MRTFB: variants seen among roughly 807,000 people sequenced by gnomAD.
The protein encoded by MRTFB is myocardin related transcription factor B.
MRTFB carries 29 observed loss-of-function variants against 104.2 expected under a neutral mutation model. The ratio of observed to expected loss-of-function variants is 0.28; its 90% confidence interval spans 0.21 to 0.38. The LOEUF is 0.38. Among genes scored for constraint, MRTFB ranks in the 10% least tolerant of loss-of-function variants. MRTFB has a pLI of 1.00. For missense variants in MRTFB, 1,270 were observed against 1,341.6 expected (o/e 0.95, Z 0.83); for synonymous variants, 535 against 519.5 (o/e 1.03, Z -0.41).
At chr16:14,047,820 G>A in the MRTFB span, among the ~76,000 whole-genome samples, 1 of 152,126 alleles carries the variant, frequency 6.6e-6, no homozygotes, top group East Asian at 1.9e-4. Context: ...AGATTCGGGT[G>A]GGGACACAGC....
chr16:14,092,311 G>GTA (rs1254412722), intron 2 of MRTFB, among the ~76,000 whole-genome samples: 1 of 152,142 alleles, frequency 6.6e-6, no homozygotes, highest in East Asian at 1.9e-4. Flanking sequence ...ATATATCTAT[G>GTA]TACGAATGAA....
At chr16:14,025,123 A>G in the MRTFB span, among the ~76,000 whole-genome samples, 1 of 152,244 alleles carries the variant, frequency 6.6e-6, no homozygotes, top group African/African-American at 2.4e-5. Context: ...GTACTTGATC[A>G]CAAAAGCTTC....
chr16:14,036,687 A>G, the MRTFB span, among the ~76,000 whole-genome samples: 1 of 151,732 alleles, frequency 6.6e-6, no homozygotes, highest in Non-Finnish European at 1.5e-5. Flanking sequence ...AAATATATAT[A>G]TAACTACCTA....
At chr16:14,118,098 C>T (rs1276648555) in intron 2 of MRTFB, among the ~76,000 whole-genome samples, 3 of 150,778 alleles carry the variant, frequency 2.0e-5, no homozygotes, top group Non-Finnish European at 3.0e-5. Flanking sequence ...CTGTGTGCCT[C>T]TCCCAGATGC....
chr16:14,130,432 A>G (rs1321026610), intron 2 of MRTFB, among the ~76,000 whole-genome samples: 2 of 152,226 alleles, frequency 1.3e-5, no homozygotes, highest in South Asian at 2.1e-4. Context: ...ATAAATTCCT[A>G]GAAAATCAAT....
the MRTFB span, among the ~76,000 whole-genome samples, chr16:14,017,169 G>A: frequency 2.0e-5 from 3 of 148,980 alleles, no homozygotes; most frequent in Non-Finnish European, 3.0e-5. Flanking sequence ...CCATTCTCCT[G>A]CGTCAGCCTC....
intron 3 of MRTFB, chr16:14,200,553 TAAC>T (rs1485992975): frequency 3.1e-6 from 5 of 1,605,810 alleles, no homozygotes; most frequent in Non-Finnish European, 4.3e-6. Context: ...ACCTGTATGG[TAAC>T]AATTATCTTG....
intron 2 of MRTFB, among the ~76,000 whole-genome samples, chr16:14,138,465 A>G (rs2037834288): frequency 6.6e-6 from 1 of 152,094 alleles, no homozygotes; most frequent in Admixed American, 6.5e-5. Context: ...TTTCCATTGG[A>G]TATGTAATTC....
the MRTFB span, among the ~76,000 whole-genome samples, chr16:14,036,683 A>G: frequency 6.6e-6 from 1 of 151,720 alleles, no homozygotes; most frequent in South Asian, 2.1e-4. Context: ...ATAGAAATAT[A>G]TATATAACTA....
At chr16:14,092,863 A>C (rs1408656440) in intron 2 of MRTFB, 2 of 152,228 alleles carry the variant, frequency 1.3e-5, no homozygotes, top group Admixed American at 6.5e-5. Context: ...AATGGAAAGG[A>C]CTGGAAGTTC....
At chr16:14,205,879 T>C (rs911444495) in intron 3 of MRTFB, among the ~76,000 whole-genome samples, 2 of 152,218 alleles carry the variant, frequency 1.3e-5, no homozygotes, top group African/African-American at 4.8e-5. Flanking sequence ...CGGGAGAGAA[T>C]GCTCTTGGTT....
At chr16:14,039,168 A>C in the MRTFB span, among the ~76,000 whole-genome samples, 4 of 152,202 alleles carry the variant, frequency 2.6e-5, no homozygotes, top group Non-Finnish European at 5.9e-5. Flanking sequence ...GTCTGGGACT[A>C]GTGGATCCAC....
At chr16:14,234,119 C>G in intron 8 of MRTFB, 27 bp from the exon 9 acceptor site, 1 of 1,606,816 alleles carries the variant, frequency 6.2e-7, no homozygotes, top group Non-Finnish European at 8.5e-7. Context: ...ATTTCACAGA[C>G]TTGTTCCTTT....
chr16:14,144,488 A>G (rs1280381886), intron 3 of MRTFB: 2 of 152,196 alleles, frequency 1.3e-5, no homozygotes, highest in African/African-American at 4.8e-5. Flanking sequence ...ATTGCAAAAC[A>G]TGGTAGCCAA....
At chr16:14,247,796 G>T in intron 12 of MRTFB, 1 of 354,868 alleles carries the variant, frequency 2.8e-6, no homozygotes, top group South Asian at 4.9e-5. Context: ...TGATCATTGT[G>T]ATCATAGTCT....
chr16:14,184,414 G>A (rs1351340817), intron 3 of MRTFB, among the ~76,000 whole-genome samples: 1 of 151,984 alleles, frequency 6.6e-6, no homozygotes, highest in Non-Finnish European at 1.5e-5. Context: ...GTAGAGATGG[G>A]GTTTGCCATG....
In MRTFB at chr16:14,182,538, A is replaced by T. The variant is rs553860202; in HGVS notation, c.155-27705A>T. Among the ~76,000 whole-genome samples the T allele has an allele frequency of 8.5e-5, 13 of 152,302 alleles. No individual in the cohort carries two copies. In the East Asian group the frequency reaches 2.1e-3, roughly 25 times the overall value. ...TATTTACATCCATTCATATATAGAG[A>T]TATAAATGTTATGTAGATGTGTGTG... is the stretch of plus-strand genomic sequence containing the variant. On this transcript the variant is annotated intron_variant, in intron 3 of 16. Coordinates refer to ENST00000571589, the MANE Select transcript of MRTFB (RefSeq NM_001308142.2).
chr16:14,021,756 A>G, the MRTFB span, among the ~76,000 whole-genome samples: 1 of 152,304 alleles, frequency 6.6e-6, no homozygotes, highest in African/African-American at 2.4e-5. Context: ...CCGTTAATTC[A>G]TTCCTTTTTA....
chr16:14,073,310 A>C lies in MRTFB; in HGVS notation c.-129+1945A>C, dbSNP rs573692990. 3.3e-5 allele frequency among the ~76,000 whole-genome samples: 5 copies of C among 152,266 alleles called. No homozygotes were observed. The East Asian group carries it at 9.6e-4, about 29-fold the overall frequency. The stretch of plus-strand genomic sequence containing the variant: ...AGTCTTTTAGATCCAGGCCCCCCAA[A>C]CCCTAAATGCCAGCGGTGTCCCCCA... On this transcript the variant is annotated intron_variant, in intron 1 of 16. Coordinates refer to ENST00000571589, the MANE Select transcript of MRTFB (RefSeq NM_001308142.2).
Sources: gnomAD v4.1 joint callset for allele counts (sites outside exome capture counted in the v4.1 genomes callset) on GRCh38, gnomAD v4.1.1 for gene constraint, MANE v1.5 for transcripts, NCBI Gene and HGNC (gene_info 2026-07-23, HGNC 2026-07-21) for gene names.